The following SBNO1 variants were observed in gnomAD, a reference collection of about 807,000 sequenced individuals.
The protein encoded by SBNO1 is protein strawberry notch homolog 1.
Under a neutral mutation model 173.6 loss-of-function variants are expected in SBNO1, and 23 were observed. The ratio of observed to expected loss-of-function variants is 0.13; its 90% CI spans 0.10 to 0.19. The LOEUF is 0.19. Ranked by LOEUF, SBNO1 falls within the 10% of genes least tolerant of loss-of-function variation. The pLI is 1.00. For synonymous variants in SBNO1, 632 were observed against 571.5 expected, an observed-to-expected ratio of 1.11 and a Z score of -1.51; for missense variants, 1,238 against 1,671.2, an observed-to-expected ratio of 0.74 and a Z score of 4.52.
chr12:123,312,573 A>G (rs1218461396), intron 24 of SBNO1, among the ~76,000 whole-genome samples: 1 of 151,978 alleles, frequency 6.6e-6, no homozygotes, highest in African/African-American at 2.4e-5. Flanking sequence ...TTAGCCAGGT[A>G]TGGTGGCGGG....
At chr12:123,308,408 A>T (rs754125320) in intron 28 of SBNO1, among the ~76,000 whole-genome samples, 1 of 151,996 alleles carries the variant, frequency 6.6e-6, no homozygotes, top group African/African-American at 2.4e-5. Flanking sequence ...CAGTGGCTCA[A>T]GCCTGTAATC....
chr12:123,317,089 T>C, intron 21 of SBNO1, 132 bp downstream of exon 21: 1 of 862,506 alleles, frequency 1.2e-6, no homozygotes, highest in African/African-American at 1.7e-5. Flanking sequence ...CCTCCCACAG[T>C]GGCCTCCCGA....
chr12:123,329,409 C>T (rs1870937572), intron 9 of SBNO1, among the ~76,000 whole-genome samples: 1 of 147,046 alleles, frequency 6.8e-6, no homozygotes, highest in Non-Finnish European at 1.5e-5. Context: ...TTTTCAAAGT[C>T]TTAAAAACTT....
chr12:123,359,611 A>G (rs1874889955), intron 1 of SBNO1, among the ~76,000 whole-genome samples: 1 of 152,152 alleles, frequency 6.6e-6, no homozygotes, highest in Admixed American at 6.6e-5. Context: ...CTAGGTCACA[A>G]TGTAAACCGC....
intron 17 of SBNO1, 108 bp from the exon 18 acceptor site, chr12:123,320,974 T>A: frequency 1.1e-6 from 1 of 935,236 alleles, no homozygotes; most frequent in Non-Finnish European, 1.6e-6. Context: ...TGTTTCGCTG[T>A]TGTAGCCCAG....
rs1331483835 is a variant in SBNO1, at chr12:123,292,021, A to T, written c.*3887T>A. On this transcript the variant is annotated 3_prime_UTR_variant, in exon 32 of 32. Transcript: ENST00000602398. ...TCAGACAACTGGCATTCAATGAGACATTTTTTTTTTTTTTTGCAGTTTTTG... is the reference window on the plus strand; with the variant it reads ...TCAGACAACTGGCATTCAATGAGACTTTTTTTTTTTTTTTTGCAGTTTTTG... 2.6e-4 allele frequency: 37 copies of T among 144,380 alleles called. No homozygotes were observed. Among genetic ancestry groups the T allele is most frequent in the Middle Eastern group, 3.6e-3 (1 of 276 alleles). 8.9% of individuals were successfully genotyped at this position (144,380 alleles called of 1,614,324 possible). A position where few individuals can be genotyped will look rare whatever the true frequency, so the allele number is the denominator to read the frequency against.
intron 9 of SBNO1, 42 bp downstream of exon 9, chr12:123,330,377 C>G: frequency 8.8e-7 from 1 of 1,141,160 alleles, no homozygotes; most frequent in East Asian, 2.4e-5. Flanking sequence ...ACAGATGAGT[C>G]AATATTTATT....
chr12:123,328,284 G>T lies in SBNO1; in HGVS notation c.1297-257C>A, dbSNP rs138816568. Among the ~76,000 whole-genome samples the T allele has an allele frequency of 4.8e-3, 727 of 152,316 alleles. 3 individuals carry two copies. Among genetic ancestry groups the T allele is most frequent in the Non-Finnish European group, 7.5e-3 (511 of 68,024 alleles). ...CAGAGAAAAGAACCCACTGCAGCAA[G>T]AAGTTGTTATCTGGTAACTTGTAAA... is the stretch of plus-strand genomic sequence containing the variant. On this transcript the variant is annotated intron_variant, in intron 10 of 31. Coordinates refer to ENST00000602398, the MANE Select transcript of SBNO1 (RefSeq NM_001167856.3).
At chr12:123,309,217 A>G (rs2048996136) in intron 28 of SBNO1, 93 bp downstream of exon 28, 1 of 897,840 alleles carries the variant, frequency 1.1e-6, no homozygotes, top group African/African-American at 1.7e-5. Flanking sequence ...GCTAAACACA[A>G]CTGGGAAACA....
intron 5 of SBNO1, among the ~76,000 whole-genome samples, chr12:123,337,524 T>C (rs1871990646): frequency 6.6e-6 from 1 of 152,106 alleles, no homozygotes; most frequent in Admixed American, 6.6e-5. Context: ...GAGCAGAATA[T>C]GGTTGCAAAT....
intron 13 of SBNO1, 88 bp downstream of exon 13, chr12:123,327,338 T>A (rs1330986093): frequency 9.5e-7 from 1 of 1,056,480 alleles, no homozygotes; most frequent in African/African-American, 1.6e-5. Flanking sequence ...TACATTCCCA[T>A]GGGCAGGAGG....
chr12:123,344,667 A>G (rs1566049214), intron 4 of SBNO1, among the ~76,000 whole-genome samples: 1 of 152,076 alleles, frequency 6.6e-6, no homozygotes, highest in Non-Finnish European at 1.5e-5. Flanking sequence ...TGGCCAACAC[A>G]GTGAAACCCC....
rs771806204 is a variant in SBNO1, at chr12:123,311,107, G to A, written c.3243C>T (p.Gly1081=). 6.8e-6 allele frequency: 11 copies of A among 1,613,182 alleles called. No individual in the cohort carries two copies. Among genetic ancestry groups the A allele is most frequent in the Middle Eastern group, 1.6e-4 (1 of 6,084 alleles). ...FFKDVRQGLI[G]VGLINVEDRS... ...GATCTTCTACATTTATCAGGCCAAC[G>A]CCTATCAGTCCTTGTCGAACATCTG... The change falls in exon 25 of 32, where the codon GGC becomes GGT. Residue 1081 remains glycine (G), a synonymous_variant. Coordinates refer to ENST00000602398, the MANE Select transcript of SBNO1 (RefSeq NM_001167856.3).
At chr12:123,348,714 G>A (rs1034400887) in intron 2 of SBNO1, among the ~76,000 whole-genome samples, 3 of 152,030 alleles carry the variant, frequency 2.0e-5, no homozygotes, top group Non-Finnish European at 2.9e-5. Context: ...TGCAGTGAGT[G>A]GAGATTGCAC....
chr12:123,364,009 T>C (rs1173887490), intron 1 of SBNO1: 13 of 985,342 alleles, frequency 1.3e-5, no homozygotes, highest in Non-Finnish European at 2.4e-6. Context: ...GCTCTCAAAG[T>C]AAGCAAATCC....
intron 30 of SBNO1, among the ~76,000 whole-genome samples, chr12:123,298,544 C>T (rs563584216): frequency 1.8e-4 from 27 of 152,324 alleles, no homozygotes; most frequent in African/African-American, 5.8e-4. Context: ...CGTGAGCCAC[C>T]GCTCTTGGCC....
At chr12:123,321,314 C>T (rs538174740) in intron 17 of SBNO1, among the ~76,000 whole-genome samples, 4 of 152,250 alleles carry the variant, frequency 2.6e-5, no homozygotes, top group African/African-American at 9.6e-5. Flanking sequence ...GGTACAAATC[C>T]ATGTTTTCAA....
chr12:123,317,370 A>G lies in SBNO1; in HGVS notation c.2800-14T>C. ...GATAGCAATATTCTGTGTCAAATATAAGAAAAATAAAGTCACTTTTGCATA... is the reference window on the plus strand; with the variant it reads ...GATAGCAATATTCTGTGTCAAATATGAGAAAAATAAAGTCACTTTTGCATA... On this transcript the variant is annotated splice_polypyrimidine_tract_variant and intron_variant, in intron 20 of 31. Coordinates refer to ENST00000602398, the MANE Select transcript of SBNO1 (RefSeq NM_001167856.3). 6.2e-7 allele frequency: 1 copy of G among 1,613,142 alleles called. No individual in the cohort carries two copies. The highest frequency in any genetic ancestry group is 8.5e-7 in the Non-Finnish European group (1 of 1,179,512).
At chr12:123,301,143 G>T (rs1407468595) in intron 30 of SBNO1, among the ~76,000 whole-genome samples, 1 of 151,892 alleles carries the variant, frequency 6.6e-6, no homozygotes, top group Non-Finnish European at 1.5e-5. Flanking sequence ...AAGTAGCTGG[G>T]ATTACAGGCG....
Sources: gnomAD v4.1 joint callset for allele counts (sites outside exome capture counted in the v4.1 genomes callset) on GRCh38, gnomAD v4.1.1 for gene constraint, MANE v1.5 for transcripts, NCBI Gene and HGNC (gene_info 2026-07-23, HGNC 2026-07-21) for gene names.